The following GRIP1 variants were observed in gnomAD, a reference collection of about 807,000 sequenced individuals.
The protein encoded by GRIP1 is glutamate receptor-interacting protein 1.
Under a neutral mutation model 129.9 loss-of-function variants are expected in GRIP1, and 45 were observed. That is an observed-to-expected ratio of 0.35 (90% CI 0.27 to 0.44). The LOEUF is 0.44. Among genes scored for constraint, GRIP1 ranks in the 20% least tolerant of loss-of-function variants. The pLI, the probability that GRIP1 is intolerant of heterozygous loss-of-function variation, is 1.00. For synonymous variants in GRIP1, 530 were observed against 520.8 expected, an observed-to-expected ratio of 1.02 and a Z score of -0.24; for missense variants, 1,196 against 1,396.8, an observed-to-expected ratio of 0.86 and a Z score of 2.29.
At chr12:67,033,284 T>C (rs2043049505) in intron 1 of GRIP1, among the ~76,000 whole-genome samples, 1 of 150,212 alleles carries the variant, frequency 6.7e-6, no homozygotes, top group Admixed American at 6.7e-5. Context: ...TATATATATA[T>C]ATATATATAA....
chr12:66,953,362 G>A (rs1300980408), intron 1 of GRIP1, among the ~76,000 whole-genome samples: 1 of 152,138 alleles, frequency 6.6e-6, no homozygotes, highest in Non-Finnish European at 1.5e-5. Context: ...ATTCATTCAG[G>A]ACTTAACTAC....
intron 1 of GRIP1, among the ~76,000 whole-genome samples, chr12:66,636,027 G>T (rs1019201372): frequency 1.4e-4 from 21 of 152,188 alleles, no homozygotes; most frequent in Middle Eastern, 3.4e-3. Flanking sequence ...ATGGATGAAT[G>T]GATAAACAAA....
At chr12:66,852,221 A>G (rs2039925194) in intron 1 of GRIP1, among the ~76,000 whole-genome samples, 1 of 152,056 alleles carries the variant, frequency 6.6e-6, no homozygotes, top group Non-Finnish European at 1.5e-5. Flanking sequence ...ATTTTACATT[A>G]ACTGTGCCAG....
intron 1 of GRIP1, among the ~76,000 whole-genome samples, chr12:66,904,886 G>C (rs1365174113): frequency 7.4e-6 from 1 of 135,280 alleles, no homozygotes; most frequent in East Asian, 2.4e-4. Context: ...ATGAGACTCC[G>C]TCTCAAAAAA....
chr12:66,601,108 C>CA (rs2064256052), intron 1 of GRIP1, among the ~76,000 whole-genome samples: 1 of 152,196 alleles, frequency 6.6e-6, no homozygotes, highest in South Asian at 2.1e-4. Flanking sequence ...AAGCATTAGT[C>CA]AAGCATACAC....
At chr12:66,713,625 A>T (rs1282040956) in intron 1 of GRIP1, among the ~76,000 whole-genome samples, 1 of 151,988 alleles carries the variant, frequency 6.6e-6, no homozygotes, top group East Asian at 1.9e-4. Context: ...CACCCACCAG[A>T]CGCATCCTTT....
chr12:66,620,569 C>T (rs1399214892), intron 1 of GRIP1, among the ~76,000 whole-genome samples: 3 of 152,158 alleles, frequency 2.0e-5, no homozygotes. Context: ...ATAAACATGG[C>T]TAAGAAGCTG....
At chr12:66,537,519 C>CATATATATAT (rs3047978) in intron 4 of GRIP1, among the ~76,000 whole-genome samples, 180 of 149,376 alleles carry the variant, frequency 1.2e-3, no homozygotes, top group Middle Eastern at 3.4e-3. Context: ...ATGGATATAT[C>CATATATATAT]ATATATATAT....
intron 1 of GRIP1, among the ~76,000 whole-genome samples, chr12:66,625,626 G>C (rs1239354626): frequency 2.0e-5 from 3 of 152,104 alleles, no homozygotes; most frequent in Non-Finnish European, 4.4e-5. Flanking sequence ...CTTGAAATTT[G>C]AGCCAACATA....
intron 7 of GRIP1, among the ~76,000 whole-genome samples, chr12:66,473,558 G>A (rs901900564): frequency 9.2e-5 from 14 of 152,202 alleles, no homozygotes; most frequent in Non-Finnish European, 1.6e-4. Flanking sequence ...AGCAGGGGTC[G>A]ACAGACACCT....
chr12:66,470,840 T>C (rs1005823886), intron 7 of GRIP1, among the ~76,000 whole-genome samples: 7 of 152,182 alleles, frequency 4.6e-5, no homozygotes, highest in Admixed American at 6.5e-5. Flanking sequence ...ATAGGGACCA[T>C]ACCCTACTAA....
At chr12:66,872,932 T>C (rs980891718) in intron 1 of GRIP1, among the ~76,000 whole-genome samples, 2 of 152,074 alleles carry the variant, frequency 1.3e-5, no homozygotes, top group Non-Finnish European at 1.5e-5. Context: ...AATCTGAGAC[T>C]TCATCAGGGA....
intron 1 of GRIP1, among the ~76,000 whole-genome samples, chr12:66,676,632 G>T (rs920836604): frequency 2.0e-5 from 3 of 152,144 alleles, no homozygotes; most frequent in Non-Finnish European, 4.4e-5. Context: ...TGAGTGTTAG[G>T]TGGAGCCCTC....
upstream of GRIP1, among the ~76,000 whole-genome samples, chr12:66,807,657 G>C (rs1206429474): frequency 2.0e-5 from 3 of 151,886 alleles, no homozygotes; most frequent in Non-Finnish European, 4.4e-5. Flanking sequence ...CTGGGCGATG[G>C]AGTAAAAAAG....
At chr12:66,671,734 C>G (rs1170259242) in intron 1 of GRIP1, among the ~76,000 whole-genome samples, 1 of 152,174 alleles carries the variant, frequency 6.6e-6, no homozygotes, top group African/African-American at 2.4e-5. Context: ...ATTACGGTAT[C>G]CAAACGCTAT....
intron 1 of GRIP1, among the ~76,000 whole-genome samples, chr12:66,762,009 C>T (rs926856817): frequency 6.6e-6 from 1 of 152,146 alleles, no homozygotes; most frequent in Admixed American, 6.5e-5. Flanking sequence ...AGGATAGTTA[C>T]ATTTCCTATC....
At chr12:66,990,669 T>C (rs2042380763) in intron 1 of GRIP1, among the ~76,000 whole-genome samples, 1 of 152,146 alleles carries the variant, frequency 6.6e-6, no homozygotes, top group Non-Finnish European at 1.5e-5. Flanking sequence ...AACTGTAACA[T>C]ACAACAGTCT....
At chr12:66,886,117 T>C (rs558077804) in intron 1 of GRIP1, among the ~76,000 whole-genome samples, 1 of 151,968 alleles carries the variant, frequency 6.6e-6, no homozygotes, top group East Asian at 1.9e-4. Context: ...TACAAACAAA[T>C]TAGCCAGGCG....
chr12:66,611,473 C>T (rs1265680319), intron 1 of GRIP1, among the ~76,000 whole-genome samples: 1 of 152,074 alleles, frequency 6.6e-6, no homozygotes, highest in Non-Finnish European at 1.5e-5. Flanking sequence ...ATTGCCTTTA[C>T]CTTTATTATT....
Sources: allele counts gnomAD v4.1 joint callset (sites outside exome capture counted in the v4.1 genomes callset), GRCh38; gene constraint gnomAD v4.1.1; transcripts MANE v1.5; gene names NCBI Gene and HGNC (gene_info 2026-07-23, HGNC 2026-07-21).